CWC27: variants seen among roughly 807,000 people sequenced by gnomAD.
CWC27 encodes the protein spliceosome-associated protein CWC27 homolog.
In CWC27, 47 loss-of-function variants were observed where a neutral mutation model predicts 63.6. The ratio of observed to expected loss-of-function variants is 0.74; its 90% CI spans 0.58 to 0.94. The LOEUF (loss-of-function observed/expected upper bound fraction) is 0.94, where lower values mean the gene tolerates loss of function less well. Ranked by LOEUF, CWC27 falls within the 40% of genes least tolerant of loss-of-function variation. The pLI is 0.00. For missense variants in CWC27, 495 were observed against 554.3 expected (o/e 0.89, Z 1.07); for synonymous variants, 175 against 179.8 (o/e 0.97, Z 0.22).
At chr5:64,770,481 C>T (rs1245959965) in intron 1 of CWC27, among the ~76,000 whole-genome samples, 1 of 152,210 alleles carries the variant, frequency 6.6e-6, no homozygotes, top group Non-Finnish European at 1.5e-5. Flanking sequence ...CAAGTGTTGA[C>T]CTTAGCAAAG....
At chr5:64,963,703 A>G (rs1748962354) in intron 11 of CWC27, among the ~76,000 whole-genome samples, 1 of 152,206 alleles carries the variant, frequency 6.6e-6, no homozygotes, top group African/African-American at 2.4e-5. Flanking sequence ...GAATCTTAAC[A>G]GGCTTAATCA....
At chr5:64,844,737 T>C (rs944610069) in intron 10 of CWC27, among the ~76,000 whole-genome samples, 1 of 152,208 alleles carries the variant, frequency 6.6e-6, no homozygotes, top group African/African-American at 2.4e-5. Context: ...TGACTTTGCA[T>C]AGGCAGGGAG....
At chr5:64,988,895 C>T (rs530797783) in intron 13 of CWC27, among the ~76,000 whole-genome samples, 8 of 152,178 alleles carry the variant, frequency 5.3e-5, no homozygotes, top group South Asian at 2.1e-4. Context: ...TGAACCACCA[C>T]GCCAAGCCTA....
intron 2 of CWC27, among the ~76,000 whole-genome samples, chr5:64,776,068 CGAGAGAGAGAGAGA>C (rs70983650): frequency 0.02 from 2,194 of 108,610 alleles, 49 homozygotes; most frequent in African/African-American, 0.044. Flanking sequence ...AGGAGTGGAG[CGAGAGAGAGAGAGA>C]GAGAGAGAGA....
At position 64,968,076 on chromosome 5, in the gene CWC27, A is replaced by G. The variant is rs141842326; in HGVS notation, c.1043-3627A>G. 1.5e-3 allele frequency among the ~76,000 whole-genome samples: 222 copies of G among 152,180 alleles called. 1 individual carries two copies. Among genetic ancestry groups the G allele is most frequent in the African/African-American group, 5.2e-3 (216 of 41,554 alleles). ...CTATTACAACTCATTAATAAGACAA[A>G]AAAAATTAATAGACAAAAGATTTGA... is the stretch of plus-strand genomic sequence containing the variant. On this transcript the variant is annotated intron_variant, in intron 11 of 13. Transcript: ENST00000381070.
chr5:64,958,964 C>A (rs112474170), intron 11 of CWC27, among the ~76,000 whole-genome samples: 4 of 152,108 alleles, frequency 2.6e-5, no homozygotes, highest in Non-Finnish European at 5.9e-5. Context: ...TTTTCATGAA[C>A]CTTTAGGAGG....
intron 10 of CWC27, among the ~76,000 whole-genome samples, chr5:64,868,277 T>C (rs1293152313): frequency 6.6e-6 from 1 of 152,052 alleles, no homozygotes; most frequent in African/African-American, 2.4e-5. Context: ...CTCTGGCCCC[T>C]GGAAAATACC....
Position 64,960,092 on chromosome 5 carries a change from C to A in CWC27, c.1043-11611C>A, listed in dbSNP as rs116206911. 4.5e-3 allele frequency among the ~76,000 whole-genome samples: 685 copies of A among 152,166 alleles called. 6 individuals are homozygous for A. Among genetic ancestry groups the A allele is most frequent in the African/African-American group, 0.016 (652 of 41,522 alleles). The stretch of plus-strand genomic sequence containing the variant: ...TTTTTTCCCCTCATTATCCATTAAA[C>A]CATATATTATGGTCTGGGGGAGTTT... On this transcript the variant is annotated intron_variant, in intron 11 of 13. Coordinates refer to ENST00000381070, the MANE Select transcript of CWC27 (RefSeq NM_005869.4).
intron 10 of CWC27, chr5:64,807,790 G>A: frequency 6.5e-7 from 1 of 1,534,934 alleles, no homozygotes; most frequent in Non-Finnish European, 8.7e-7. Context: ...CTGGCTGCTT[G>A]TTTTTTTATG....
At chr5:64,844,182 G>A (rs115935929) in intron 10 of CWC27, among the ~76,000 whole-genome samples, 6 of 152,284 alleles carry the variant, frequency 3.9e-5, no homozygotes, top group Non-Finnish European at 7.4e-5. Flanking sequence ...ATTGGATGCA[G>A]TCATCCAGCA....
chr5:64,860,206 T>C (rs1180957959), intron 10 of CWC27, among the ~76,000 whole-genome samples: 1 of 152,212 alleles, frequency 6.6e-6, no homozygotes, highest in Non-Finnish European at 1.5e-5. Flanking sequence ...AATTTAATAA[T>C]GTTATTTATT....
At chr5:64,851,611 A>G (rs1188344171) in intron 10 of CWC27, among the ~76,000 whole-genome samples, 2 of 152,174 alleles carry the variant, frequency 1.3e-5, no homozygotes, top group African/African-American at 4.8e-5. Context: ...GCTTGATTTA[A>G]TTTTTCCACA....
At chr5:64,838,206 C>T (rs374846170) in intron 10 of CWC27, among the ~76,000 whole-genome samples, 7 of 152,138 alleles carry the variant, frequency 4.6e-5, no homozygotes, top group African/African-American at 1.7e-4. Flanking sequence ...AACATATACA[C>T]ATACATATGT....
intron 13 of CWC27, among the ~76,000 whole-genome samples, chr5:65,004,898 A>ATATATG (rs1188301664): frequency 2.5e-5 from 2 of 79,658 alleles, no homozygotes; most frequent in African/African-American, 4.1e-5. Context: ...ATATATATAT[A>ATATATG]TATATATACA....
intron 4 of CWC27, 45 bp from the exon 5 acceptor site, chr5:64,785,436 A>G (rs1743848318): frequency 1.1e-6 from 1 of 876,822 alleles, no homozygotes; most frequent in South Asian, 4.0e-5. Flanking sequence ...AATTCAAAGG[A>G]TGAGTGCAAT....
chr5:64,996,555 T>C (rs1749636061), intron 13 of CWC27, among the ~76,000 whole-genome samples: 3 of 151,192 alleles, frequency 2.0e-5, no homozygotes, highest in African/African-American at 7.4e-5. Flanking sequence ...GCCCAAATTA[T>C]ACTGGGGAAA....
chr5:64,864,862 A>G (rs1286406495), intron 10 of CWC27, among the ~76,000 whole-genome samples: 1 of 152,130 alleles, frequency 6.6e-6, no homozygotes, highest in East Asian at 1.9e-4. Context: ...TAATTAACAT[A>G]TCCATCACCT....
At position 64,930,230 on chromosome 5, in the gene CWC27, G is replaced by T. The variant is rs370702662; in HGVS notation, c.1043-41473G>T. 3.3e-5 allele frequency among the ~76,000 whole-genome samples: 5 copies of T among 152,188 alleles called. No individual in the cohort carries two copies. The East Asian group carries it at 9.6e-4, about 29-fold the overall frequency. On this transcript the variant is annotated intron_variant, in intron 11 of 13. Transcript: ENST00000381070. ...GGGAATGCAGAAAAATGAGAAGTGG[G>T]ACTGATTGCTAATGGTATTTTTGCT...
At chr5:64,796,994 T>G (rs942177185) in intron 7 of CWC27, among the ~76,000 whole-genome samples, 1 of 145,470 alleles carries the variant, frequency 6.9e-6, no homozygotes, top group African/African-American at 2.5e-5. Context: ...CTACCTGTAT[T>G]CTATTTAGTC....
Sources: gnomAD v4.1 joint callset for allele counts (sites outside exome capture counted in the v4.1 genomes callset) on GRCh38, gnomAD v4.1.1 for gene constraint, MANE v1.5 for transcripts, NCBI Gene and HGNC (gene_info 2026-07-23, HGNC 2026-07-21) for gene names.